The following GDI2 variants were observed in gnomAD, a reference collection of about 807,000 sequenced individuals.
The protein encoded by GDI2 is rab GDP dissociation inhibitor beta.
A neutral mutation model predicts 54.2 loss-of-function variants in GDI2; 22 were observed. The observed-to-expected ratio is 0.41, with a 90% CI of 0.29 to 0.58. GDI2 has a LOEUF of 0.58. Ranked by LOEUF, GDI2 falls within the 20% of genes least tolerant of loss-of-function variation. The pLI is 0.35. For synonymous variants in GDI2, 177 were observed against 182.1 expected (o/e 0.97, Z 0.23); for missense variants, 422 against 546.0 (o/e 0.77, Z 2.26).
chr10:5,782,212 T>C (rs1840772822), intron 6 of GDI2, among the ~76,000 whole-genome samples: 1 of 152,136 alleles, frequency 6.6e-6, no homozygotes. Flanking sequence ...AAATGGTCAA[T>C]AAGCTCATGA....
intron 7 of GDI2, among the ~76,000 whole-genome samples, chr10:5,770,903 T>C (rs1054570706): frequency 1.4e-4 from 20 of 142,440 alleles, no homozygotes; most frequent in African/African-American, 5.3e-4. Context: ...GAGGCAGAGG[T>C]TGCAGTGAGC....
chr10:5,782,213 A>G (rs114476364), intron 6 of GDI2, among the ~76,000 whole-genome samples: 1,973 of 152,344 alleles, frequency 0.013, 50 homozygotes, highest in African/African-American at 0.044. Context: ...AATGGTCAAT[A>G]AGCTCATGAA....
chr10:5,796,397 A>C (rs1841149319), intron 3 of GDI2, among the ~76,000 whole-genome samples: 1 of 152,204 alleles, frequency 6.6e-6, no homozygotes, highest in African/African-American at 2.4e-5. Flanking sequence ...AATTAAAAAA[A>C]TGTGAAAATT....
intron 6 of GDI2, among the ~76,000 whole-genome samples, chr10:5,779,672 G>A (rs1305634166): frequency 6.7e-6 from 1 of 149,146 alleles, no homozygotes; most frequent in African/African-American, 2.5e-5. Flanking sequence ...GCACAGAGAG[G>A]GGGAAAAAAA....
At chr10:5,789,608 A>C (rs1160145038) in intron 4 of GDI2, among the ~76,000 whole-genome samples, 1 of 152,162 alleles carries the variant, frequency 6.6e-6, no homozygotes, top group Admixed American at 6.5e-5. Flanking sequence ...ATTTGAAAAA[A>C]CTTGCAGATG....
Position 5,806,974 on chromosome 10 carries a change from C to G in GDI2, c.45+6240G>C, listed in dbSNP as rs185990421. On this transcript the variant is annotated intron_variant, in intron 1 of 10. Coordinates refer to ENST00000380191, the MANE Select transcript of GDI2 (RefSeq NM_001494.4). ...GCACTGAGGCCTAAAATAAAGGGCCCAGTAATTTAAAGATGTGGCCGAGTC... is the reference window on the plus strand; with the variant it reads ...GCACTGAGGCCTAAAATAAAGGGCCGAGTAATTTAAAGATGTGGCCGAGTC... 2.4e-3 allele frequency among the ~76,000 whole-genome samples: 359 copies of G among 152,150 alleles called. 1 individual carries two copies. The highest frequency in any genetic ancestry group is 1.8e-3 in the Non-Finnish European group (119 of 67,996).
At chr10:5,767,995 A>G (rs1840396868) in intron 8 of GDI2, among the ~76,000 whole-genome samples, 1 of 152,208 alleles carries the variant, frequency 6.6e-6, no homozygotes, top group African/African-American at 2.4e-5. Flanking sequence ...TTCATTCTAC[A>G]GGTGATGGAC....
rs1840847446 is a variant in GDI2, at chr10:5,785,231, T to C, written c.630A>G (p.Lys210=). 1.2e-6 allele frequency: 2 copies of C among 1,603,640 alleles called. No individual in the cohort carries two copies. The highest frequency in any genetic ancestry group is 8.5e-7 in the Non-Finnish European group (1 of 1,170,804). The change falls in exon 6 of 11, where the codon AAA becomes AAG. Residue 210 remains lysine (K), a synonymous_variant. Coordinates refer to ENST00000380191, the MANE Select transcript of GDI2 (RefSeq NM_001494.4). ...ATCTTGCCAAAGATTCACTGTAAAG[T>C]TTAATTCTATTAATGGTTTCATAAC... The part of the protein sequence containing the change: ...QPCYETINRI[K]LYSESLARYG...
At chr10:5,786,081 A>G in intron 4 of GDI2, 31 bp from the exon 5 acceptor site, 7 of 1,438,996 alleles carry the variant, frequency 4.9e-6, no homozygotes, top group Non-Finnish European at 6.8e-6. Context: ...CAAAAAGCAC[A>G]CTCACAATCA....
intron 7 of GDI2, among the ~76,000 whole-genome samples, chr10:5,770,832 G>C (rs986343044): frequency 1.3e-5 from 2 of 151,514 alleles, no homozygotes; most frequent in African/African-American, 4.9e-5. Context: ...TGGGTGTGGT[G>C]GTGGGCACCT....
Position 5,766,182 on chromosome 10 carries a change from C to G in GDI2, c.1192-30G>C. On this transcript the variant is annotated intron_variant, in intron 10 of 10. Transcript: ENST00000380191. The surrounding 1 kb of genome is among the most constrained non-coding windows in gnomAD (Gnocchi z 5.8). ...AAACAAAAATTACGAAGACTTAAGA[C>G]CATGGAGGGATGTCTTCCAGTGAAA... is the stretch of plus-strand genomic sequence containing the variant. The G allele has an allele frequency of 6.2e-7, 1 of 1,612,476 alleles. No individual in the cohort carries two copies. Among genetic ancestry groups the G allele is most frequent in the Non-Finnish European group, 8.5e-7 (1 of 1,178,446 alleles).
chr10:5,766,700 A>C lies in GDI2; in HGVS notation c.992-62T>G. 7.5e-6 allele frequency: 10 copies of C among 1,339,682 alleles called. No homozygotes were observed. The highest frequency in any genetic ancestry group is 1.2e-5 in the South Asian group (1 of 84,238). The allele number at this position is 1,339,682 out of a possible 1,614,324, so 83.0% of individuals were successfully genotyped here. On this transcript the variant is annotated intron_variant, in intron 8 of 10. Coordinates refer to ENST00000380191, the MANE Select transcript of GDI2 (RefSeq NM_001494.4). This position sits in a 1 kb window ranked among gnomAD's most constrained non-coding sequence, Gnocchi z 5.8. ...TCTCCATCTGGGACCCAACATACTC[A>C]GGTATCACCCATATGTCATGAGGTG... is the stretch of plus-strand genomic sequence containing the variant.
rs1234113454 is a variant in GDI2 at position 5,785,817 on chromosome 10, A to G, written c.587+35T>C. ...ACTTGGGAAATTTAGTGAGAATTTC[A>G]AGAAAAATACAAATCTAAAAACCAA... On this transcript the variant is annotated intron_variant, in intron 5 of 10. Coordinates refer to ENST00000380191, the MANE Select transcript of GDI2 (RefSeq NM_001494.4). The G allele has an allele frequency of 3.9e-6, 5 of 1,283,212 alleles. No homozygotes were observed. The Admixed American group carries it at 9.5e-5, about 24-fold the overall frequency. 79.5% of individuals were successfully genotyped at this position (1,283,212 alleles called of 1,614,324 possible).
intron 6 of GDI2, 121 bp downstream of exon 6, chr10:5,785,021 A>C (rs1588975415): frequency 1.6e-6 from 1 of 611,288 alleles, no homozygotes; most frequent in Non-Finnish European, 2.6e-6. Flanking sequence ...TTTCAATAAA[A>C]ATAAAAAGCA....
chr10:5,792,613 T>A (rs977809192), intron 4 of GDI2, among the ~76,000 whole-genome samples: 1 of 151,538 alleles, frequency 6.6e-6, no homozygotes, highest in Admixed American at 6.6e-5. Context: ...CTAAAACAAG[T>A]GATTTCTACT....
intron 4 of GDI2, among the ~76,000 whole-genome samples, chr10:5,786,607 T>A (rs78213534): frequency 4.3e-5 from 3 of 69,510 alleles, no homozygotes; most frequent in African/African-American, 1.3e-4. Flanking sequence ...AACTACTACT[T>A]AACTGAATGA....
intron 4 of GDI2, among the ~76,000 whole-genome samples, chr10:5,787,413 A>C (rs538143968): frequency 6.6e-6 from 1 of 152,284 alleles, no homozygotes; most frequent in South Asian, 2.1e-4. Flanking sequence ...CTGGAGCAGG[A>C]GAATCGCTTG....
chr10:5,802,877 A>G (rs1841300293), intron 1 of GDI2, among the ~76,000 whole-genome samples: 1 of 152,228 alleles, frequency 6.6e-6, no homozygotes, highest in African/African-American at 2.4e-5. Flanking sequence ...ATATCAGAAT[A>G]TAAAACATTC....
Position 5,766,363 on chromosome 10 carries a change from A to C in GDI2, c.1137-68T>G. 1 of 1,477,568 alleles carries C rather than the reference A, an allele frequency of 6.8e-7. No individual in the cohort carries two copies. The highest frequency in any genetic ancestry group is 9.5e-7 in the Non-Finnish European group (1 of 1,055,284). 91.5% of individuals were successfully genotyped at this position (1,477,568 alleles called of 1,614,324 possible). A position where few individuals can be genotyped will look rare whatever the true frequency, so the allele number is the denominator to read the frequency against. ...CTGACCATGGCTCTGCCTGAGGTCA[A>C]CTGAGAGGTACAGATGAATCCCACA... On this transcript the variant is annotated intron_variant, in intron 9 of 10. Transcript: ENST00000380191. The surrounding 1 kb of genome is among the most constrained non-coding windows in gnomAD (Gnocchi z 5.8).
Sources: allele counts gnomAD v4.1 joint callset (sites outside exome capture counted in the v4.1 genomes callset), GRCh38; gene constraint gnomAD v4.1.1; non-coding constraint Gnocchi (gnomAD v3.1); transcripts MANE v1.5; gene names NCBI Gene and HGNC (gene_info 2026-07-23, HGNC 2026-07-21).